Variants in STARD13 observed in about 807,000 individuals in gnomAD.
The protein encoded by STARD13 is stAR-related lipid transfer protein 13.
STARD13 carries 62 observed loss-of-function variants against 106.4 expected under a neutral mutation model. The ratio of observed to expected loss-of-function variants is 0.58; its 90% CI spans 0.48 to 0.72. The LOEUF is 0.72. Among genes scored for constraint, STARD13 ranks in the 30% least tolerant of loss-of-function variants. STARD13 has a pLI of 0.00. For missense variants in STARD13, 1,387 were observed against 1,424.0 expected, an observed-to-expected ratio of 0.97 and a Z score of 0.42; for synonymous variants, 565 against 553.0, an observed-to-expected ratio of 1.02 and a Z score of -0.31.
the STARD13 span, among the ~76,000 whole-genome samples, chr13:33,462,442 A>G: frequency 2.0e-5 from 3 of 152,324 alleles, no homozygotes; most frequent in South Asian, 6.2e-4. Flanking sequence ...GGAAATGTGT[A>G]TATATGCAGG....
chr13:33,521,869 A>AT, the STARD13 span, among the ~76,000 whole-genome samples: 1 of 152,190 alleles, frequency 6.6e-6, no homozygotes, highest in Non-Finnish European at 1.5e-5. Context: ...AGATGAAAAA[A>AT]AATACTATTA....
the STARD13 span, among the ~76,000 whole-genome samples, chr13:33,642,116 C>A: frequency 1.3e-5 from 2 of 152,094 alleles, no homozygotes; most frequent in Admixed American, 1.3e-4. Flanking sequence ...AGAGTACTGG[C>A]AAGAGGGTAG....
chr13:33,451,030 A>G, the STARD13 span, among the ~76,000 whole-genome samples: 1 of 152,098 alleles, frequency 6.6e-6, no homozygotes, highest in East Asian at 1.9e-4. Context: ...CCTCAGGCAC[A>G]TGCCACCAGG....
the STARD13 span, among the ~76,000 whole-genome samples, chr13:33,419,417 A>T: frequency 6.6e-6 from 1 of 152,072 alleles, no homozygotes; most frequent in Non-Finnish European, 1.5e-5. Context: ...AGTTTAGATT[A>T]AAAAAAGAGT....
chr13:33,629,477 C>T, the STARD13 span, among the ~76,000 whole-genome samples: 1 of 152,128 alleles, frequency 6.6e-6, no homozygotes, highest in South Asian at 2.1e-4. Flanking sequence ...CTAGATAGAG[C>T]CAAATTTGTG....
chr13:33,327,675 G>T (rs2077791847), intron 1 of STARD13, among the ~76,000 whole-genome samples: 1 of 152,068 alleles, frequency 6.6e-6, no homozygotes, highest in Admixed American at 6.5e-5. Context: ...TGGTCCCTTT[G>T]GTGATTTTTA....
At chr13:33,616,474 A>G in the STARD13 span, among the ~76,000 whole-genome samples, 21 of 152,202 alleles carry the variant, frequency 1.4e-4, no homozygotes, top group Non-Finnish European at 1.5e-5. Context: ...TCAGAAATCT[A>G]GACTGGAAGA....
chr13:33,645,571 G>A, the STARD13 span, among the ~76,000 whole-genome samples: 1 of 152,176 alleles, frequency 6.6e-6, no homozygotes, highest in Non-Finnish European at 1.5e-5. Context: ...GTAGGAAGGA[G>A]GGCAGCACAT....
At chr13:33,141,711 G>GA (rs987240819) in intron 4 of STARD13, among the ~76,000 whole-genome samples, 2 of 151,972 alleles carry the variant, frequency 1.3e-5, no homozygotes, top group Admixed American at 6.5e-5. Context: ...AACACTACTG[G>GA]AAAAAATGAG....
the STARD13 span, among the ~76,000 whole-genome samples, chr13:33,388,789 C>CT: frequency 1.3e-5 from 2 of 152,094 alleles, no homozygotes; most frequent in Admixed American, 1.3e-4. Context: ...GTCCCAGACT[C>CT]TAAGATCAAA....
chr13:33,620,401 G>A, the STARD13 span, among the ~76,000 whole-genome samples: 5 of 150,650 alleles, frequency 3.3e-5, no homozygotes, highest in East Asian at 2.0e-4. Flanking sequence ...TCCTGCCTCC[G>A]CCTCCCAAGT....
chr13:33,531,501 T>C, the STARD13 span, among the ~76,000 whole-genome samples: 8,336 of 152,240 alleles, frequency 0.055, 732 homozygotes, highest in African/African-American at 0.19. Flanking sequence ...TACTTTGCCA[T>C]GGTATGTCAA....
intron 1 of STARD13, among the ~76,000 whole-genome samples, chr13:33,314,184 A>C (rs962502981): frequency 2.0e-5 from 3 of 152,144 alleles, no homozygotes; most frequent in Non-Finnish European, 2.9e-5. Context: ...ATGAGATAAG[A>C]GCAAATCTAA....
the STARD13 span, among the ~76,000 whole-genome samples, chr13:33,412,415 AAG>A: frequency 4.1e-4 from 63 of 152,324 alleles, 1 homozygote; most frequent in South Asian, 9.5e-3. Flanking sequence ...GGAAAAAGAA[AAG>A]AGAGAAAAAC....
the STARD13 span, among the ~76,000 whole-genome samples, chr13:33,527,584 G>C: frequency 6.6e-6 from 1 of 151,914 alleles, no homozygotes; most frequent in Admixed American, 6.6e-5. Context: ...TGCAAATATA[G>C]CAAAGAATCA....
chr13:33,379,675 T>G, the STARD13 span, among the ~76,000 whole-genome samples: 1 of 152,112 alleles, frequency 6.6e-6, no homozygotes, highest in Non-Finnish European at 1.5e-5. Flanking sequence ...GCCCAGGAGG[T>G]GGACAATATT....
chr13:33,296,943 A>G (rs530368352), intron 1 of STARD13, among the ~76,000 whole-genome samples: 34 of 152,290 alleles, frequency 2.2e-4, no homozygotes, highest in South Asian at 4.1e-4. Flanking sequence ...AAAATTCCAC[A>G]TGTAAATGAG....
At chr13:33,167,298 C>T (rs1189089481) in intron 2 of STARD13, among the ~76,000 whole-genome samples, 1 of 151,998 alleles carries the variant, frequency 6.6e-6, no homozygotes, top group Non-Finnish European at 1.5e-5. Flanking sequence ...AGGAAAACGT[C>T]GAGTTGGGGT....
chr13:33,440,243 C>A, the STARD13 span, among the ~76,000 whole-genome samples: 592 of 149,724 alleles, frequency 4.0e-3, 4 homozygotes, highest in African/African-American at 0.012. Context: ...CGTGTCACTG[C>A]ACTCCAGCCT....
Sources: allele counts gnomAD v4.1 joint callset (sites outside exome capture counted in the v4.1 genomes callset), GRCh38; gene constraint gnomAD v4.1.1; transcripts MANE v1.5; gene names NCBI Gene and HGNC (gene_info 2026-07-23, HGNC 2026-07-21).